Variants in SLC24A2 observed in about 807,000 individuals in gnomAD.
SLC24A2 encodes sodium/potassium/calcium exchanger 2.
A neutral mutation model predicts 62.0 loss-of-function variants in SLC24A2; 36 were observed. The ratio of observed to expected loss-of-function variants is 0.58; its 90% CI spans 0.44 to 0.77. The LOEUF (loss-of-function observed/expected upper bound fraction) is 0.77, where lower values mean the gene tolerates loss of function less well. Ranked by LOEUF, SLC24A2 falls within the 30% of genes least tolerant of loss-of-function variation. The probability of loss-of-function intolerance (pLI) is 0.00; values close to 1 mark genes in which losing one functional copy is unlikely to be tolerated. For synonymous variants in SLC24A2, 358 were observed against 294.0 expected, an observed-to-expected ratio of 1.22 and a Z score of -2.23; for missense variants, 846 against 817.9, an observed-to-expected ratio of 1.03 and a Z score of -0.42.
At chr9:19,834,507 T>A in the SLC24A2 span, among the ~76,000 whole-genome samples, 2 of 151,796 alleles carry the variant, frequency 1.3e-5, no homozygotes, top group South Asian at 2.1e-4. Context: ...AAATGAAGTG[T>A]GAAGAGAAGT....
At chr9:20,264,770 A>T in the SLC24A2 span, among the ~76,000 whole-genome samples, 29 of 152,256 alleles carry the variant, frequency 1.9e-4, no homozygotes, top group African/African-American at 6.8e-4. Flanking sequence ...GTTTTATAGA[A>T]AACAGAGGCC....
chr9:20,122,279 T>C, the SLC24A2 span, among the ~76,000 whole-genome samples: 1 of 152,214 alleles, frequency 6.6e-6, no homozygotes, highest in Non-Finnish European at 1.5e-5. Flanking sequence ...ACCAGAGTGC[T>C]CCCTATACAT....
the SLC24A2 span, among the ~76,000 whole-genome samples, chr9:20,166,292 A>C: frequency 6.6e-6 from 1 of 151,988 alleles, no homozygotes; most frequent in Non-Finnish European, 1.5e-5. Context: ...AACAATATGA[A>C]AATAAATATG....
rs1372193472 is a variant in SLC24A2 at position 19,527,962 on chromosome 9, T to C, written c.1569+87A>G. On this transcript the variant is annotated intron_variant, in intron 9 of 10. Coordinates refer to ENST00000341998, the MANE Select transcript of SLC24A2 (RefSeq NM_020344.4). ...GTCACACCCAATACTGTTGTGGCAG[T>C]TGCAGAAAGCAAACACAATGATTAA... 3 of 832,686 alleles carry C rather than the reference T, an allele frequency of 3.6e-6. No homozygotes were observed. The East Asian group carries it at 8.0e-5, about 22-fold the overall frequency. The allele number at this position is 832,686 out of a possible 1,614,324, so 51.6% of individuals were successfully genotyped here.
At chr9:20,273,905 G>T in the SLC24A2 span, among the ~76,000 whole-genome samples, 2 of 152,148 alleles carry the variant, frequency 1.3e-5, no homozygotes, top group Non-Finnish European at 2.9e-5. Context: ...TCTCATGTTA[G>T]ATACAATTTA....
At chr9:20,233,269 C>A in the SLC24A2 span, among the ~76,000 whole-genome samples, 2 of 152,056 alleles carry the variant, frequency 1.3e-5, no homozygotes, top group African/African-American at 4.8e-5. Flanking sequence ...GAGTTCAATT[C>A]CTGGGTATCC....
chr9:20,163,810 C>G, the SLC24A2 span, among the ~76,000 whole-genome samples: 1 of 152,060 alleles, frequency 6.6e-6, no homozygotes, highest in African/African-American at 2.4e-5. Context: ...CAGAACAGAG[C>G]CCTCAGAAGT....
At chr9:19,760,866 G>T (rs1236240291) in intron 2 of SLC24A2, among the ~76,000 whole-genome samples, 1 of 145,568 alleles carries the variant, frequency 6.9e-6, no homozygotes, top group African/African-American at 2.6e-5. Flanking sequence ...TGAACAATGA[G>T]AACACTTGGA....
chr9:19,655,189 A>G (rs139021132), intron 2 of SLC24A2, among the ~76,000 whole-genome samples: 37 of 152,350 alleles, frequency 2.4e-4, no homozygotes, highest in African/African-American at 8.7e-4. Flanking sequence ...CCAGAGGGGA[A>G]AATTCTTCAC....
the SLC24A2 span, among the ~76,000 whole-genome samples, chr9:19,925,244 A>T: frequency 4.6e-5 from 7 of 152,208 alleles, no homozygotes; most frequent in African/African-American, 1.7e-4. Context: ...ATTTATAGTG[A>T]CCCAGAAAAG....
intron 7 of SLC24A2, among the ~76,000 whole-genome samples, chr9:19,560,473 TC>T (rs1835334887): frequency 6.6e-6 from 1 of 152,094 alleles, no homozygotes; most frequent in Admixed American, 6.5e-5. Context: ...TGTCTCTATG[TC>T]CCCCTCTTTC....
At chr9:19,686,069 C>G (rs1819872034) in intron 2 of SLC24A2, among the ~76,000 whole-genome samples, 1 of 151,624 alleles carries the variant, frequency 6.6e-6, no homozygotes, top group Non-Finnish European at 1.5e-5. Flanking sequence ...AATTAACAAG[C>G]AAAAAACAAC....
At chr9:19,574,462 G>A (rs144916555) in intron 6 of SLC24A2, among the ~76,000 whole-genome samples, 5 of 152,294 alleles carry the variant, frequency 3.3e-5, no homozygotes, top group Non-Finnish European at 7.3e-5. Flanking sequence ...CCCTTTGCAA[G>A]TGACTCAACC....
chr9:19,911,179 G>A, the SLC24A2 span, among the ~76,000 whole-genome samples: 1 of 148,850 alleles, frequency 6.7e-6, no homozygotes, highest in African/African-American at 2.5e-5. Flanking sequence ...TTAGTTTTTT[G>A]TCCTTGCGAT....
At chr9:19,656,077 T>C (rs1818934179) in intron 2 of SLC24A2, among the ~76,000 whole-genome samples, 1 of 152,200 alleles carries the variant, frequency 6.6e-6, no homozygotes, top group African/African-American at 2.4e-5. Context: ...TTCAGAATTA[T>C]TTGTGCAAGA....
the SLC24A2 span, among the ~76,000 whole-genome samples, chr9:19,995,761 T>C: frequency 1.3e-5 from 2 of 152,256 alleles, no homozygotes; most frequent in African/African-American, 4.8e-5. Flanking sequence ...GGAGCCCATA[T>C]GCAAATCTAG....
the SLC24A2 span, among the ~76,000 whole-genome samples, chr9:20,037,042 A>T: frequency 6.6e-6 from 1 of 151,934 alleles, no homozygotes; most frequent in East Asian, 1.9e-4. Context: ...ATTACAGGTG[A>T]CCATCACCAC....
At chr9:20,135,197 A>C in the SLC24A2 span, among the ~76,000 whole-genome samples, 2 of 152,176 alleles carry the variant, frequency 1.3e-5, no homozygotes, top group Admixed American at 1.3e-4. Flanking sequence ...AGCAACAATT[A>C]TTTTAAAATC....
chr9:19,519,982 T>C (rs1376376167), intron 10 of SLC24A2, among the ~76,000 whole-genome samples: 1 of 152,200 alleles, frequency 6.6e-6, no homozygotes, highest in Non-Finnish European at 1.5e-5. Flanking sequence ...ATCTGAATAA[T>C]AGGGGTGATA....
Sources: allele counts gnomAD v4.1 joint callset (sites outside exome capture counted in the v4.1 genomes callset), GRCh38; gene constraint gnomAD v4.1.1; transcripts MANE v1.5; gene names NCBI Gene and HGNC (gene_info 2026-07-23, HGNC 2026-07-21).